FBXO9: variants seen among roughly 807,000 people sequenced by gnomAD.
FBXO9 encodes F-box only protein 9.
In FBXO9, 43 loss-of-function variants were observed where a neutral mutation model predicts 63.7. The ratio of observed to expected loss-of-function variants is 0.67; its 90% CI spans 0.53 to 0.87. FBXO9 has a LOEUF of 0.87. FBXO9 is among the 40% of genes least tolerant of loss of function. The probability of loss-of-function intolerance (pLI) is 0.00; values close to 1 mark genes in which losing one functional copy is unlikely to be tolerated. For missense variants in FBXO9, 442 were observed against 533.2 expected, an observed-to-expected ratio of 0.83 and a Z score of 1.68; for synonymous variants, 156 against 171.7, an observed-to-expected ratio of 0.91 and a Z score of 0.72.
chr6:53,070,798 TGGCGG>T (rs935725463), intron 1 of FBXO9: 6 of 412,192 alleles, frequency 1.5e-5, no homozygotes, highest in African/African-American at 6.0e-5. Flanking sequence ...ATGTTAAATT[TGGCGG>T]GGGGGAAATG....
intron 3 of FBXO9, among the ~76,000 whole-genome samples, chr6:53,073,966 G>GA (rs1483668783): frequency 6.6e-6 from 1 of 151,860 alleles, no homozygotes; most frequent in Non-Finnish European, 1.5e-5. Context: ...GAACCAAAAA[G>GA]AAAAAACAGA....
intron 1 of FBXO9, among the ~76,000 whole-genome samples, chr6:53,067,348 C>G (rs1768742344): frequency 6.6e-6 from 1 of 152,096 alleles, no homozygotes; most frequent in African/African-American, 2.4e-5. Flanking sequence ...TGTTCCTGTC[C>G]TGGATGCCTT....
chr6:53,088,084 C>T (rs567631845), intron 7 of FBXO9, among the ~76,000 whole-genome samples: 2 of 152,048 alleles, frequency 1.3e-5, no homozygotes, highest in Non-Finnish European at 2.9e-5. Flanking sequence ...TCTTTTTCAT[C>T]TTTTTTTAAC....
chr6:53,092,427 A>G lies in FBXO9; in HGVS notation c.654-2A>G. ...TATTGACATTGTGCTTTTATTCCCT[A>G]GAGACCCTGAAATATGGCGTCTGGC... On this transcript the variant is annotated splice_acceptor_variant, in intron 7 of 12. Coordinates refer to ENST00000323557, the MANE Select transcript of FBXO9 (RefSeq NM_033480.3). LOFTEE classifies it high-confidence loss of function. 2 of 1,609,486 alleles carry G rather than the reference A, an allele frequency of 1.2e-6. No individual in the cohort carries two copies. The highest frequency in any genetic ancestry group is 1.1e-5 in the South Asian group (1 of 90,952).
intron 7 of FBXO9, chr6:53,091,329 A>T (rs1763033585): frequency 6.6e-6 from 1 of 152,210 alleles, no homozygotes; most frequent in Admixed American, 6.5e-5. Context: ...GTTATAGCAG[A>T]ATCATGTCAA....
Position 53,093,521 on chromosome 6 carries a change from C to CCT in FBXO9, c.921_922dup (p.Gln308LeufsTer8), listed in dbSNP as rs1191401856. 6.2e-7 allele frequency: 1 copy of CCT among 1,613,662 alleles called. No homozygotes were observed. Among genetic ancestry groups the CCT allele is most frequent in the Non-Finnish European group, 8.5e-7 (1 of 1,179,712 alleles). ...GATGATGTTGACAACCCCTGAAGAGCCTCAGTCCATTGTTCCACGTTTAAG... is the reference window on the plus strand; with the variant it reads ...GATGATGTTGACAACCCCTGAAGAGCCTCTCAGTCCATTGTTCCACGTTTAAG... On this transcript the variant is annotated frameshift_variant, in exon 10 of 13. Transcript: ENST00000323557. LOFTEE classifies it high-confidence loss of function.
upstream of FBXO9, chr6:53,065,213 T>C (rs1256860959): frequency 6.6e-6 from 1 of 152,270 alleles, no homozygotes; most frequent in African/African-American, 2.4e-5. Flanking sequence ...TTTGAGGTAA[T>C]GCTTGTTCAA....
In FBXO9 at chr6:53,097,726, A is replaced by G. The variant is rs377107149; in HGVS notation, c.1210A>G (p.Thr404Ala). Residue 404 changes from threonine (T) to alanine (A), a missense_variant, in exon 13 of 13, where the codon ACT becomes GCT. By Grantham distance (58) the Thr-to-Ala change is moderately conservative. Coordinates refer to ENST00000323557, the MANE Select transcript of FBXO9 (RefSeq NM_033480.3). ...TTTTGTGCTTTTTTTTTACAGATCA[A>G]CTGGTGAGACTGCAGTCAGTGCTTT... is the stretch of plus-strand genomic sequence containing the variant. ...HHSCHITYKS[T>A]GETAVSAFEI... is the part of the protein sequence containing the mutation. 1.6e-5 allele frequency: 26 copies of G among 1,590,356 alleles called. No homozygotes were observed. The highest frequency in any genetic ancestry group is 2.7e-5 in the African/African-American group (2 of 73,858).
At chr6:53,066,845 G>A (rs1022520532) in intron 1 of FBXO9, among the ~76,000 whole-genome samples, 1 of 152,218 alleles carries the variant, frequency 6.6e-6, no homozygotes, top group African/African-American at 2.4e-5. Flanking sequence ...CCTCCAGGTG[G>A]CATCTGAGGC....
chr6:53,092,778 T>A lies in FBXO9; in HGVS notation c.817T>A (p.Ser273Thr). Reference sequence around the variant, plus strand: ...CACATATATTCGTCAAGGGGAACAGTCTCTTGATGGTTTCTATAGAGCCTG... The same window carrying A: ...CACATATATTCGTCAAGGGGAACAGACTCTTGATGGTTTCTATAGAGCCTG... The part of the protein sequence containing the change: ...KTTYIRQGEQ[S>T]LDGFYRAWHQ... Residue 273 changes from serine (S) to threonine (T), a missense_variant, in exon 9 of 13, where the codon TCT becomes ACT. Physicochemically the swap from Ser to Thr is moderately conservative, Grantham distance 58 (BLOSUM62 1). Around this residue, in one of 2 missense-constraint regions of FBXO9, gnomAD observed 262 missense variants for 362.1 expected, o/e 0.72. Transcript: ENST00000323557. The A allele has an allele frequency of 6.2e-7, 1 of 1,612,710 alleles. No homozygotes were observed. The highest frequency in any genetic ancestry group is 8.5e-7 in the Non-Finnish European group (1 of 1,179,094).
intron 4 of FBXO9, 27 bp from the exon 5 acceptor site, chr6:53,078,772 C>T: frequency 6.6e-7 from 1 of 1,524,124 alleles, no homozygotes; most frequent in Non-Finnish European, 9.1e-7. Flanking sequence ...GTGGTCACAG[C>T]TAATTTAGCT....
intron 7 of FBXO9, among the ~76,000 whole-genome samples, chr6:53,089,465 A>T (rs2127497352): frequency 6.6e-6 from 1 of 152,338 alleles, no homozygotes; most frequent in Middle Eastern, 3.4e-3. Context: ...AGCAAGGGAA[A>T]AGAGTCAAAC....
At chr6:53,094,037 A>G in intron 11 of FBXO9, 59 bp downstream of exon 11, 1 of 1,035,452 alleles carries the variant, frequency 9.7e-7, no homozygotes, top group South Asian at 1.8e-5. Context: ...TCATCCAAGC[A>G]GTCTCGATTA....
intron 7 of FBXO9, 44 bp from the exon 8 acceptor site, chr6:53,092,385 T>C (rs1392643049): frequency 7.3e-7 from 1 of 1,370,352 alleles, no homozygotes; most frequent in Non-Finnish European, 1.0e-6. Context: ...TATGTCTATG[T>C]ATAGGGACTT....
At position 53,082,435 on chromosome 6, in the gene FBXO9, A is replaced by G. The variant is rs1343677762; in HGVS notation, c.539-69A>G. 8.1e-6 allele frequency: 8 copies of G among 984,202 alleles called. No homozygotes were observed. The East Asian group carries it at 1.5e-4, about 18-fold the overall frequency. The allele number at this position is 984,202 out of a possible 1,614,324, so 61.0% of individuals were successfully genotyped here. A position where few individuals can be genotyped will look rare whatever the true frequency, so the allele number is the denominator to read the frequency against. On this transcript the variant is annotated intron_variant, in intron 6 of 12. Coordinates refer to ENST00000323557, the MANE Select transcript of FBXO9 (RefSeq NM_033480.3). ...TAAATTTCTAGGAAGGTATAAATGT[A>G]CTGGGAATGTAGTTGTGACAATAGA...
rs1763120645 is a variant in FBXO9 at position 53,093,827 on chromosome 6, A to G, written c.960-58A>G. ...ACACTGTTGTAATTTGTTACTTCTTAGATTACTTAAATCCACTTAATAACT... is the reference window on the plus strand; with the variant it reads ...ACACTGTTGTAATTTGTTACTTCTTGGATTACTTAAATCCACTTAATAACT... On this transcript the variant is annotated intron_variant, in intron 10 of 12. Transcript: ENST00000323557. The G allele has an allele frequency of 7.7e-6, 10 of 1,305,236 alleles. No homozygotes were observed. In the Admixed American group the frequency reaches 1.6e-4, roughly 21 times the overall value. 80.9% of individuals were successfully genotyped at this position (1,305,236 alleles called of 1,614,324 possible). A position where few individuals can be genotyped will look rare whatever the true frequency, so the allele number is the denominator to read the frequency against.
intron 1 of FBXO9, among the ~76,000 whole-genome samples, chr6:53,067,114 A>G (rs1317258264): frequency 2.0e-5 from 3 of 152,188 alleles, no homozygotes; most frequent in African/African-American, 7.2e-5. Context: ...TTAGCCTGGC[A>G]TAGTGTGAGA....
At chr6:53,070,955 C>T (rs1369922564) in intron 1 of FBXO9, 102 bp from the exon 2 acceptor site, 8 of 1,513,880 alleles carry the variant, frequency 5.3e-6, no homozygotes, top group African/African-American at 1.4e-5. Flanking sequence ...AAAGTGTTGA[C>T]AGTATGGTAC....
At chr6:53,078,049 A>C (rs555720522) in intron 4 of FBXO9, among the ~76,000 whole-genome samples, 2 of 152,238 alleles carry the variant, frequency 1.3e-5, no homozygotes, top group Non-Finnish European at 2.9e-5. Context: ...CTGGGCTAAA[A>C]GAAGTTAAAT....
Sources: allele counts gnomAD v4.1 joint callset (sites outside exome capture counted in the v4.1 genomes callset), GRCh38; gene constraint gnomAD v4.1.1; regional missense constraint gnomAD v4.1.1; transcripts MANE v1.5; gene names NCBI Gene and HGNC (gene_info 2026-07-23, HGNC 2026-07-21).